RGSL1: variants seen among roughly 807,000 people sequenced by gnomAD.
The protein encoded by RGSL1 is regulator of G protein signaling protein-like.
In RGSL1, 97 loss-of-function variants were observed where a neutral mutation model predicts 124.7. That is an observed-to-expected ratio of 0.78 (90% CI 0.66 to 0.92). The LOEUF is 0.92. Among genes scored for constraint, RGSL1 ranks in the 40% least tolerant of loss-of-function variants. The probability of loss-of-function intolerance (pLI) is 0.00; values close to 1 mark genes in which losing one functional copy is unlikely to be tolerated. For synonymous variants in RGSL1, 424 were observed against 438.1 expected (o/e 0.97, Z 0.40); for missense variants, 1,233 against 1,288.4 (o/e 0.96, Z 0.66).
rs79424100 is a variant in RGSL1, at chr1:182,453,920, T to C, written c.14-38T>C. On this transcript the variant is annotated intron_variant, in intron 1 of 21. Transcript: ENST00000294854. Reference sequence around the variant, plus strand: ...TTTCTGAACCTGAATGCAATTCTGGTTCATGTTTTGTTTTTTTATTTCTCT... The same window carrying C: ...TTTCTGAACCTGAATGCAATTCTGGCTCATGTTTTGTTTTTTTATTTCTCT... The C allele has an allele frequency of 3.6e-6, 4 of 1,123,188 alleles. No individual in the cohort carries two copies. In the East Asian group the frequency reaches 1.0e-4, roughly 29 times the overall value. The allele number at this position is 1,123,188 out of a possible 1,614,324, so 69.6% of individuals were successfully genotyped here.
upstream of RGSL1, chr1:182,448,160 G>GATGTGAAT (rs1342628983): frequency 6.6e-6 from 1 of 152,474 alleles, no homozygotes; most frequent in Non-Finnish European, 1.5e-5. Flanking sequence ...TCAGATCTGA[G>GATGTGAAT]ATGTGAATGC....
intron 21 of RGSL1, among the ~76,000 whole-genome samples, chr1:182,557,638 T>C (rs1660936575): frequency 6.6e-6 from 1 of 152,242 alleles, no homozygotes; most frequent in Non-Finnish European, 1.5e-5. Context: ...TTGCCCCATC[T>C]TCCTATTTCT....
At chr1:182,538,252 G>A (rs1046549095) in intron 14 of RGSL1, among the ~76,000 whole-genome samples, 2 of 152,190 alleles carry the variant, frequency 1.3e-5, no homozygotes, top group Non-Finnish European at 2.9e-5. Flanking sequence ...CAGCAGGCTG[G>A]GGCTGGTGGC....
At chr1:182,475,860 A>G (rs931691423) in intron 6 of RGSL1, among the ~76,000 whole-genome samples, 8 of 152,228 alleles carry the variant, frequency 5.3e-5, no homozygotes, top group African/African-American at 1.9e-4. Context: ...TATTTAGTGC[A>G]TTATAACGTA....
Position 182,521,944 on chromosome 1 carries a change from G to C in RGSL1, c.1826-60G>C, listed in dbSNP as rs539107511. The C allele has an allele frequency of 5.4e-6, 6 of 1,120,346 alleles. No homozygotes were observed. In the East Asian group the frequency reaches 1.6e-4, roughly 29 times the overall value. The allele number at this position is 1,120,346 out of a possible 1,614,324, so 69.4% of individuals were successfully genotyped here. On this transcript the variant is annotated intron_variant, in intron 9 of 21. Coordinates refer to ENST00000294854, the MANE Select transcript of RGSL1 (RefSeq NM_001137669.2). ...TTATGTCTGAAAAATATCCTTGCTA[G>C]TTTTTCCCTTTTCATTGCTTATAAT...
At chr1:182,495,756 G>C (rs1244085367) in intron 9 of RGSL1, among the ~76,000 whole-genome samples, 3 of 152,128 alleles carry the variant, frequency 2.0e-5, no homozygotes, top group African/African-American at 7.2e-5. Context: ...CTGTCAGCTG[G>C]TCATCAATGT....
At chr1:182,528,407 T>C (rs1250761516) in intron 11 of RGSL1, among the ~76,000 whole-genome samples, 4 of 152,190 alleles carry the variant, frequency 2.6e-5, no homozygotes, top group Non-Finnish European at 5.9e-5. Flanking sequence ...GCCAAAGTCT[T>C]AACTCATTCC....
chr1:182,498,749 T>C (rs1467713069), intron 9 of RGSL1, among the ~76,000 whole-genome samples: 1 of 152,028 alleles, frequency 6.6e-6, no homozygotes, highest in Non-Finnish European at 1.5e-5. Flanking sequence ...ATTTGCTGAG[T>C]TGTTCTATGG....
At chr1:182,494,105 GC>G (rs931405752) in intron 9 of RGSL1, among the ~76,000 whole-genome samples, 3 of 152,046 alleles carry the variant, frequency 2.0e-5, no homozygotes, top group Admixed American at 2.0e-4. Context: ...GGATACCTGA[GC>G]CCCCGGTCAT....
chr1:182,534,450 T>C (rs889192982), intron 14 of RGSL1, among the ~76,000 whole-genome samples: 3 of 152,256 alleles, frequency 2.0e-5, no homozygotes, highest in African/African-American at 7.2e-5. Flanking sequence ...TCTATTGGTA[T>C]TTTAATATCA....
At chr1:182,518,734 A>T (rs1315310025) in intron 9 of RGSL1, among the ~76,000 whole-genome samples, 1 of 152,168 alleles carries the variant, frequency 6.6e-6, no homozygotes, top group East Asian at 1.9e-4. Flanking sequence ...GGGGTATCTC[A>T]GATGTGGAAA....
rs777353849 is a variant in RGSL1 at position 182,474,499 on chromosome 1, A to G, written c.1388A>G (p.Asp463Gly). 20 of 1,549,824 alleles carry G rather than the reference A, an allele frequency of 1.3e-5. No homozygotes were observed. The African/African-American group carries it at 2.6e-4, about 20-fold the overall frequency. ...CTGAAGGAACTATTGCCCTCTGGGG[A>G]TGTGATCCCCTGGATTCCCAAAGCC... ...QGLKELLPSG[D>G]VIPWIPKAQK... Residue 463 changes from aspartate to glycine, a missense_variant, in exon 6 of 22, where the codon GAT (aspartate) becomes GGT (glycine). By Grantham distance (94) the Asp-to-Gly change is moderately conservative (BLOSUM62 -1). Transcript: ENST00000294854.
intron 6 of RGSL1, among the ~76,000 whole-genome samples, chr1:182,483,230 T>C (rs937505064): frequency 1.3e-5 from 2 of 151,896 alleles, no homozygotes; most frequent in Non-Finnish European, 2.9e-5. Context: ...ACTGAGAGAA[T>C]AGGTCTTGTG....
intron 6 of RGSL1, among the ~76,000 whole-genome samples, chr1:182,487,987 G>T (rs900889191): frequency 4.6e-5 from 7 of 152,208 alleles, no homozygotes; most frequent in African/African-American, 1.7e-4. Flanking sequence ...CTTTGGAACA[G>T]AATGAAATAA....
rs1024000067 is a variant in RGSL1 at position 182,489,037 on chromosome 1, G to A, written c.1552G>A (p.Glu518Lys). Residue 518 changes from glutamate to lysine, a missense_variant, in exon 8 of 22, where the codon GAG (glutamate) becomes AAG (lysine). Glu to Lys is a moderately conservative substitution (Grantham distance 56). Coordinates refer to ENST00000294854, the MANE Select transcript of RGSL1 (RefSeq NM_001137669.2). ...QHKREFIGKE[E>K]NILLYKRIQQ... ...TAAAAGAGAATTTATAGGCAAAGAA[G>A]AGAACATTCTTCTTTATAAGAGGAT... 5.8e-6 allele frequency: 9 copies of A among 1,551,646 alleles called. No homozygotes were observed. In the Admixed American group the frequency reaches 1.6e-4, roughly 27 times the overall value.
At chr1:182,503,266 G>A (rs191393635) in intron 9 of RGSL1, among the ~76,000 whole-genome samples, 8 of 152,190 alleles carry the variant, frequency 5.3e-5, no homozygotes, top group Non-Finnish European at 7.4e-5. Context: ...CGTCCATCTT[G>A]ATGCAAGATT....
chr1:182,530,206 T>C (rs1659063009), intron 11 of RGSL1, 38 bp from the exon 12 acceptor site: 1 of 1,447,610 alleles, frequency 6.9e-7, no homozygotes, highest in Non-Finnish European at 9.3e-7. Context: ...AAATGGTAGA[T>C]GAGGATTACA....
intron 9 of RGSL1, among the ~76,000 whole-genome samples, chr1:182,515,195 G>T (rs553304186): frequency 6.6e-6 from 1 of 152,166 alleles, no homozygotes; most frequent in Non-Finnish European, 1.5e-5. Flanking sequence ...CCTCCATCCC[G>T]CTACTGTTGG....
At chr1:182,524,612 T>C (rs758713784) in intron 10 of RGSL1, among the ~76,000 whole-genome samples, 7 of 152,198 alleles carry the variant, frequency 4.6e-5, no homozygotes, top group Non-Finnish European at 7.3e-5. Context: ...TCAGTAAGAA[T>C]AGTGTAATCT....
Sources: gnomAD v4.1 joint callset for allele counts (sites outside exome capture counted in the v4.1 genomes callset) on GRCh38, gnomAD v4.1.1 for gene constraint, MANE v1.5 for transcripts, NCBI Gene and HGNC (gene_info 2026-07-23, HGNC 2026-07-21) for gene names.